Variants in EIF2S2 observed in about 807,000 individuals in gnomAD.
EIF2S2 encodes the protein eukaryotic translation initiation factor 2 subunit beta.
Under a neutral mutation model 44.0 loss-of-function variants are expected in EIF2S2, and 4 were observed. That is an observed-to-expected ratio of 0.09 (90% CI 0.04 to 0.21). EIF2S2 has a LOEUF of 0.21. Among genes scored for constraint, EIF2S2 ranks in the 10% least tolerant of loss-of-function variants. EIF2S2 has a pLI of 1.00. For missense variants in EIF2S2, 154 were observed against 392.0 expected (o/e 0.39, Z 5.13); for synonymous variants, 108 against 128.3 (o/e 0.84, Z 1.07).
intron 7 of EIF2S2, among the ~76,000 whole-genome samples, chr20:34,091,762 T>C (rs547310100): frequency 2.0e-4 from 17 of 86,892 alleles, no homozygotes; most frequent in African/African-American, 7.2e-4. Context: ...ATTATTTATA[T>C]ATATTTATTT....
intron 6 of EIF2S2, among the ~76,000 whole-genome samples, chr20:34,094,850 T>A (rs563092945): frequency 2.8e-4 from 42 of 152,344 alleles, no homozygotes; most frequent in African/African-American, 9.6e-4. Context: ...ACAACAATTT[T>A]TAAGCTTTTT....
At chr20:34,106,427 CTT>C (rs55646105) in intron 1 of EIF2S2, among the ~76,000 whole-genome samples, 97,627 of 140,720 alleles carry the variant, frequency 0.69, 33,643 homozygotes, top group South Asian at 0.84. Context: ...ATTAAAGGTT[CTT>C]TTTTTTTTTT....
In EIF2S2 at chr20:34,112,084, T is replaced by G. The variant is rs1374350660; in HGVS notation, c.15+12A>C. On this transcript the variant is annotated intron_variant, in intron 1 of 8. Transcript: ENST00000374980. Reference sequence around the variant, plus strand: ...TCAATCCTTAGCCCTTACGCCGGGCTCAGATCCTCACCTCGTCCCCAGACA... The same window carrying G: ...TCAATCCTTAGCCCTTACGCCGGGCGCAGATCCTCACCTCGTCCCCAGACA... The G allele has an allele frequency of 1.3e-6, 2 of 1,556,388 alleles. No individual in the cohort carries two copies. The highest frequency in any genetic ancestry group is 4.7e-5 in the East Asian group (2 of 42,212).
intron 7 of EIF2S2, among the ~76,000 whole-genome samples, chr20:34,092,556 T>TA (rs1460574714): frequency 1.3e-5 from 2 of 152,096 alleles, no homozygotes; most frequent in African/African-American, 4.8e-5. Context: ...TAGTCCCAGC[T>TA]ACTCAGGAGG....
Position 34,097,498 on chromosome 20 carries a change from T to A in EIF2S2, c.452A>T (p.Asn151Ile). The change falls in exon 5 of 9, where the codon AAC (asparagine) becomes ATC (isoleucine). Residue 151 changes from asparagine (N) to isoleucine (I), a missense_variant. This residue lies in a region of EIF2S2 where 134 missense variants were observed against 225.0 expected (regional missense o/e 0.60). Coordinates refer to ENST00000374980, the MANE Select transcript of EIF2S2 (RefSeq NM_003908.5). ...GAATGAGATACCATCATCTTTTTTGTTGTCTTCATCTTCTAGAGCTACAGA... is the reference window on the plus strand; with the variant it reads ...GAATGAGATACCATCATCTTTTTTGATGTCTTCATCTTCTAGAGCTACAGA... ...EKDEALEDEDNKKDDGISFSN... is the reference protein window; with the variant it reads ...EKDEALEDEDIKKDDGISFSN... The A allele has an allele frequency of 1.2e-6, 2 of 1,613,352 alleles. No homozygotes were observed. The highest frequency in any genetic ancestry group is 1.7e-6 in the Non-Finnish European group (2 of 1,179,962).
Position 34,097,456 on chromosome 20 carries a change from G to A in EIF2S2, c.494C>T (p.Pro165Leu), listed in dbSNP as rs142953196. ...DGISFSNQTG[P>L]AWAGSERDYT... is the part of the protein sequence containing the mutation. ...GTCTCTTTCTGAGCCTGCCCAAGCAGGGCCTGTCTGATTACTGAATGAGAT... is the reference window on the plus strand; with the variant it reads ...GTCTCTTTCTGAGCCTGCCCAAGCAAGGCCTGTCTGATTACTGAATGAGAT... Residue 165 changes from proline to leucine, a missense_variant, in exon 5 of 9, where the codon CCT (proline) becomes CTT (leucine). Pro to Leu is a moderately conservative substitution (Grantham distance 98). This residue lies in a region of EIF2S2 where 134 missense variants were observed against 225.0 expected (regional missense o/e 0.60). Coordinates refer to ENST00000374980, the MANE Select transcript of EIF2S2 (RefSeq NM_003908.5). The A allele has an allele frequency of 3.9e-4, 635 of 1,613,648 alleles. No homozygotes were observed. The highest frequency in any genetic ancestry group is 5.1e-4 in the Non-Finnish European group (607 of 1,179,874).
intron 4 of EIF2S2, among the ~76,000 whole-genome samples, chr20:34,098,289 T>C (rs1268982156): frequency 6.6e-6 from 1 of 151,868 alleles, no homozygotes; most frequent in Non-Finnish European, 1.5e-5. Flanking sequence ...TTCCCAAGCC[T>C]GAATCAGTAT....
chr20:34,105,222 G>C, intron 2 of EIF2S2, 146 bp downstream of exon 2: 5 of 698,118 alleles, frequency 7.2e-6, no homozygotes, highest in Non-Finnish European at 1.2e-5. Context: ...AATCTAAAAA[G>C]GTCCACTGCA....
intron 1 of EIF2S2, among the ~76,000 whole-genome samples, chr20:34,105,830 T>C (rs1568718777): frequency 6.6e-6 from 1 of 152,218 alleles, no homozygotes; most frequent in Non-Finnish European, 1.5e-5. Flanking sequence ...GAATGAATCA[T>C]GGAATTTAGG....
chr20:34,111,953 G>T, intron 1 of EIF2S2, 143 bp downstream of exon 1: 1 of 948,840 alleles, frequency 1.1e-6, no homozygotes, highest in Non-Finnish European at 1.4e-6. Context: ...GTCCTCGCCG[G>T]CTCTGCCGCT....
chr20:34,092,683 AC>A (rs1224706059), intron 7 of EIF2S2, among the ~76,000 whole-genome samples: 2 of 152,042 alleles, frequency 1.3e-5, no homozygotes, highest in African/African-American at 4.8e-5. Context: ...ACAAAACAAA[AC>A]AACAAAACCC....
chr20:34,112,183 G>A lies in EIF2S2; in HGVS notation c.-73C>T, dbSNP rs967933994. 4.1e-6 allele frequency: 6 copies of A among 1,455,576 alleles called. No individual in the cohort carries two copies. The highest frequency in any genetic ancestry group is 2.7e-5 in the East Asian group (1 of 37,536). The allele number at this position is 1,455,576 out of a possible 1,614,324, so 90.2% of individuals were successfully genotyped here. A position where few individuals can be genotyped will look rare whatever the true frequency, so the allele number is the denominator to read the frequency against. On this transcript the variant is annotated 5_prime_UTR_variant, in exon 1 of 9. Transcript: ENST00000374980. ...AGCCCCAGGCCCCGGCGGCAGCGCT[G>A]CCCCTGCCGATACCTCTCCCACCAC...
At chr20:34,098,454 G>A in intron 4 of EIF2S2, 44 bp downstream of exon 4, 1 of 1,606,758 alleles carries the variant, frequency 6.2e-7, no homozygotes. Flanking sequence ...CAGGGCCAAA[G>A]GCTTGAGTAA....
chr20:34,091,777 G>T (rs370187332), intron 7 of EIF2S2, among the ~76,000 whole-genome samples: 2,125 of 14,870 alleles, frequency 0.14, 108 homozygotes, highest in African/African-American at 0.25. Context: ...TTATTTTTTT[G>T]GGGGGGGGGG....
At chr20:34,100,083 C>T (rs954527275) in intron 3 of EIF2S2, among the ~76,000 whole-genome samples, 54 of 152,268 alleles carry the variant, frequency 3.5e-4, no homozygotes, top group African/African-American at 1.3e-3. Context: ...GGCATGATCT[C>T]GGCTCACTGC....
chr20:34,111,875 G>A (rs1324305920), intron 1 of EIF2S2, among the ~76,000 whole-genome samples: 1 of 152,240 alleles, frequency 6.6e-6, no homozygotes, highest in Non-Finnish European at 1.5e-5. Context: ...CGCCAACCAC[G>A]GCAGGAGGTC....
intron 4 of EIF2S2, among the ~76,000 whole-genome samples, chr20:34,098,038 G>A (rs930721389): frequency 2.6e-5 from 4 of 152,124 alleles, no homozygotes; most frequent in Non-Finnish European, 5.9e-5. Context: ...CTGAGGTTGG[G>A]AGTTCGAGAC....
intron 3 of EIF2S2, among the ~76,000 whole-genome samples, chr20:34,100,633 C>T (rs768719149): frequency 1.3e-5 from 2 of 152,048 alleles, no homozygotes; most frequent in Non-Finnish European, 2.9e-5. Context: ...GAGCCAAGAA[C>T]GTAAAGAACA....
Position 34,112,132 on chromosome 20 carries a change from G to T in EIF2S2, c.-22C>A. 1 of 1,540,132 alleles carries T rather than the reference G, an allele frequency of 6.5e-7. No individual in the cohort carries two copies. Among genetic ancestry groups the T allele is most frequent in the Non-Finnish European group, 8.8e-7 (1 of 1,140,294 alleles). On this transcript the variant is annotated 5_prime_UTR_variant, in exon 1 of 9. Coordinates refer to ENST00000374980, the MANE Select transcript of EIF2S2 (RefSeq NM_003908.5). ...ACATGGCTGCGGCTCGAGTGGGCTC[G>T]GCACGGACGGGAAGTCAGACGGGTC... is the stretch of plus-strand genomic sequence containing the variant.
Sources: allele counts gnomAD v4.1 joint callset (sites outside exome capture counted in the v4.1 genomes callset), GRCh38; gene constraint gnomAD v4.1.1; regional missense constraint gnomAD v4.1.1; transcripts MANE v1.5; gene names NCBI Gene and HGNC (gene_info 2026-07-23, HGNC 2026-07-21).